The following TMEM266 variants were observed in gnomAD, a reference collection of about 807,000 sequenced individuals.
TMEM266 encodes Hv1 related protein 1.
A neutral mutation model predicts 50.5 loss-of-function variants in TMEM266; 33 were observed. The ratio of observed to expected loss-of-function variants is 0.65; its 90% CI spans 0.50 to 0.87. The LOEUF is 0.87. Among genes scored for constraint, TMEM266 ranks in the 40% least tolerant of loss-of-function variants. The pLI is 0.00. For missense variants in TMEM266, 655 were observed against 695.1 expected, an observed-to-expected ratio of 0.94 and a Z score of 0.65; for synonymous variants, 310 against 292.3, an observed-to-expected ratio of 1.06 and a Z score of -0.62.
intron 4 of TMEM266, among the ~76,000 whole-genome samples, chr15:76,159,421 C>T (rs567465600): frequency 7.2e-5 from 11 of 152,260 alleles, no homozygotes; most frequent in African/African-American, 2.6e-4. Flanking sequence ...TGGCTGTCCT[C>T]ACTCCCACTC....
intron 1 of TMEM266, among the ~76,000 whole-genome samples, chr15:76,118,481 C>T (rs1484221924): frequency 6.6e-6 from 1 of 152,200 alleles, no homozygotes. Context: ...ATCACTTGAA[C>T]CTGGGAGGCA....
At chr15:76,144,208 A>G (rs1042012274) in intron 3 of TMEM266, among the ~76,000 whole-genome samples, 2 of 116,334 alleles carry the variant, frequency 1.7e-5, no homozygotes, top group African/African-American at 8.0e-5. Context: ...CCTAGACCTC[A>G]CCCACCCATT....
chr15:76,168,139 GT>G lies in TMEM266; in HGVS notation c.457-1676del, dbSNP rs2038126552. On this transcript the variant is annotated intron_variant, in intron 5 of 10. Coordinates refer to ENST00000388942, the MANE Select transcript of TMEM266 (RefSeq NM_152335.3). The surrounding 1 kb of genome is among the most constrained non-coding windows in gnomAD (Gnocchi z 4.4). ...TATTGAGCTCTGATCTCAAGACATT[GT>G]GGCCACCCCACCCAGATCTCTCCCC... Among the ~76,000 whole-genome samples the G allele has an allele frequency of 2.0e-5, 3 of 152,280 alleles. 1 individual carries two copies. In the South Asian group the frequency reaches 6.2e-4, roughly 32 times the overall value.
intron 1 of TMEM266, among the ~76,000 whole-genome samples, chr15:76,075,542 TACG>T (rs2036592364): frequency 6.6e-6 from 1 of 152,138 alleles, no homozygotes; most frequent in African/African-American, 2.4e-5. Flanking sequence ...AACTTAATGA[TACG>T]ACATGTTGGG....
intron 1 of TMEM266, among the ~76,000 whole-genome samples, chr15:76,130,232 A>C (rs2037485677): frequency 1.6e-5 from 2 of 127,230 alleles, no homozygotes; most frequent in African/African-American, 5.9e-5. Context: ...AAAAAAAAAA[A>C]AAAAAAAAAA....
chr15:76,182,789 T>C (rs1199198564), intron 8 of TMEM266, among the ~76,000 whole-genome samples: 1 of 152,208 alleles, frequency 6.6e-6, no homozygotes, highest in African/African-American at 2.4e-5. Flanking sequence ...TCCCTTCACA[T>C]GGAAAGACTG....
At chr15:76,165,050 T>C (rs58215773) in intron 5 of TMEM266, among the ~76,000 whole-genome samples, 8,805 of 152,338 alleles carry the variant, frequency 0.058, 600 homozygotes, top group African/African-American at 0.17. Context: ...GGAAAGACGC[T>C]GATTCTGCTG....
At chr15:76,152,035 C>A (rs775568195) in intron 3 of TMEM266, among the ~76,000 whole-genome samples, 1 of 152,176 alleles carries the variant, frequency 6.6e-6, no homozygotes, top group Non-Finnish European at 1.5e-5. Flanking sequence ...CTCTAGTGTG[C>A]AGCTGGGCTG....
intron 3 of TMEM266, among the ~76,000 whole-genome samples, chr15:76,150,734 T>C (rs990223813): frequency 5.3e-5 from 8 of 152,206 alleles, no homozygotes; most frequent in Non-Finnish European, 7.3e-5. Context: ...CCCTTCCAGA[T>C]TGGGGCTGTT....
Position 76,153,358 on chromosome 15 carries a change from C to G in TMEM266, c.228-3246C>G, listed in dbSNP as rs2037872526. Among the ~76,000 whole-genome samples, 1 of 152,152 alleles carries G rather than the reference C, an allele frequency of 6.6e-6. No individual in the cohort carries two copies. The highest frequency in any genetic ancestry group is 6.5e-5 in the Admixed American group (1 of 15,274). Reference sequence around the variant, plus strand: ...GGGATGTCCAAGGCACGAAGGTGAACAAATGCCCGGCACCTTCCGTGGAAC... The same window carrying G: ...GGGATGTCCAAGGCACGAAGGTGAAGAAATGCCCGGCACCTTCCGTGGAAC... On this transcript the variant is annotated intron_variant, in intron 3 of 10. Coordinates refer to ENST00000388942, the MANE Select transcript of TMEM266 (RefSeq NM_152335.3). The surrounding 1 kb of genome is among the most constrained non-coding windows in gnomAD (Gnocchi z 4.2).
intron 1 of TMEM266, among the ~76,000 whole-genome samples, chr15:76,130,391 A>T (rs762792257): frequency 2.0e-5 from 3 of 149,570 alleles, no homozygotes; most frequent in Admixed American, 7.0e-5. Flanking sequence ...TATAAAAAAA[A>T]TTAGCTGGGC....
At chr15:76,183,872 C>T (rs1269023526) in intron 8 of TMEM266, among the ~76,000 whole-genome samples, 2 of 152,184 alleles carry the variant, frequency 1.3e-5, no homozygotes, top group African/African-American at 4.8e-5. Context: ...CCCCTCCATC[C>T]CCTTCGCTGT....
chr15:76,062,496 C>T (rs888561736), intron 1 of TMEM266, among the ~76,000 whole-genome samples: 1 of 152,198 alleles, frequency 6.6e-6, no homozygotes. Flanking sequence ...CAGGATCTTT[C>T]TGTCTTGGGG....
At chr15:76,150,200 T>C (rs2037817108) in intron 3 of TMEM266, among the ~76,000 whole-genome samples, 1 of 152,208 alleles carries the variant, frequency 6.6e-6, no homozygotes, top group Admixed American at 6.5e-5. Flanking sequence ...TGTAAGGGCA[T>C]AGCTTGTATC....
At chr15:76,129,518 G>T (rs2037472556) in intron 1 of TMEM266, among the ~76,000 whole-genome samples, 1 of 152,172 alleles carries the variant, frequency 6.6e-6, no homozygotes, top group Admixed American at 6.5e-5. Flanking sequence ...GTACATGCCT[G>T]TAATCCCAGC....
chr15:76,066,554 T>C (rs532308756), intron 1 of TMEM266, among the ~76,000 whole-genome samples: 4 of 151,960 alleles, frequency 2.6e-5, no homozygotes, highest in Admixed American at 2.6e-4. Context: ...GGAGCCACTG[T>C]GTTCTAGTCC....
chr15:76,168,521 GC>G lies in TMEM266; in HGVS notation c.457-1293del, dbSNP rs2038133270. Among the ~76,000 whole-genome samples the G allele has an allele frequency of 6.6e-6, 1 of 152,200 alleles. No individual in the cohort carries two copies. Among genetic ancestry groups the G allele is most frequent in the Non-Finnish European group, 1.5e-5 (1 of 68,030 alleles). ...TAAAGTCATCTTGGCTCAAGGAAGA[GC>G]CTGCAGACAAATGCACCGGCATCTT... On this transcript the variant is annotated intron_variant, in intron 5 of 10. Transcript: ENST00000388942. This position sits in a 1 kb window ranked among gnomAD's most constrained non-coding sequence, Gnocchi z 4.4.
intron 1 of TMEM266, among the ~76,000 whole-genome samples, chr15:76,062,791 T>TC: frequency 6.6e-6 from 1 of 152,336 alleles, no homozygotes; most frequent in East Asian, 1.9e-4. Context: ...ACTTTTTTTT[T>TC]CTCTTAAAAC....
Position 76,165,077 on chromosome 15 carries a change from C to G in TMEM266, c.457-4739C>G, listed in dbSNP as rs565037533. Among the ~76,000 whole-genome samples, 14 of 152,382 alleles carry G rather than the reference C, an allele frequency of 9.2e-5. No homozygotes were observed. The South Asian group carries it at 2.9e-3, about 32-fold the overall frequency. ...ATTCTGCTGAGGGGAGGGCCTCGGC[C>G]TCAGGCAGCAGGAAGGGGCAGGAGC... On this transcript the variant is annotated intron_variant, in intron 5 of 10. Transcript: ENST00000388942.
Sources: gnomAD v4.1 joint callset for allele counts (sites outside exome capture counted in the v4.1 genomes callset) on GRCh38, gnomAD v4.1.1 for gene constraint, Gnocchi (gnomAD v3.1) non-coding constraint, MANE v1.5 for transcripts, NCBI Gene and HGNC (gene_info 2026-07-23, HGNC 2026-07-21) for gene names.